RNF6: variants seen among roughly 807,000 people sequenced by gnomAD.
RNF6 encodes ring finger protein 6.
RNF6 carries 21 observed loss-of-function variants against 50.1 expected under a neutral mutation model. That is an observed-to-expected ratio of 0.42 (90% CI 0.30 to 0.60). The LOEUF (loss-of-function observed/expected upper bound fraction) is 0.60, where lower values mean the gene tolerates loss of function less well. Among genes scored for constraint, RNF6 ranks in the 20% least tolerant of loss-of-function variants. The pLI is 0.20. For synonymous variants in RNF6, 255 were observed against 291.8 expected, an observed-to-expected ratio of 0.87 and a Z score of 1.29; for missense variants, 698 against 838.2, an observed-to-expected ratio of 0.83 and a Z score of 2.07.
chr13:26,184,012 ATATATATTTTTT>A (rs1159494303), intron 5 of RNF6, among the ~76,000 whole-genome samples: 517 of 30,342 alleles, frequency 0.017, no homozygotes, highest in Admixed American at 0.042. Flanking sequence ...ATATATATAT[ATATATATTTTTT>A]TTTTTTTTTT....
At chr13:26,190,104 T>A (rs1199204442) in intron 5 of RNF6, among the ~76,000 whole-genome samples, 2 of 152,194 alleles carry the variant, frequency 1.3e-5, no homozygotes, top group Non-Finnish European at 2.9e-5. Context: ...TTGCCCTTTC[T>A]ACCCTTTAGA....
At chr13:26,188,939 T>G (rs1276991968) in intron 5 of RNF6, among the ~76,000 whole-genome samples, 1 of 152,056 alleles carries the variant, frequency 6.6e-6, no homozygotes, top group Non-Finnish European at 1.5e-5. Flanking sequence ...AGAACAGATT[T>G]CTGAAGAGGT....
chr13:26,199,772 T>C (rs998680800), intron 5 of RNF6, among the ~76,000 whole-genome samples: 1 of 152,122 alleles, frequency 6.6e-6, no homozygotes, highest in African/African-American at 2.4e-5. Context: ...CAGATGAAGA[T>C]ACATTAAAAA....
intron 5 of RNF6, among the ~76,000 whole-genome samples, chr13:26,136,727 G>T (rs1362914286): frequency 6.6e-6 from 1 of 152,076 alleles, no homozygotes; most frequent in Non-Finnish European, 1.5e-5. Context: ...CCCAAAAAAT[G>T]ACTAATATGT....
intron 4 of RNF6, among the ~76,000 whole-genome samples, chr13:26,216,474 A>T (rs1869886314): frequency 6.6e-6 from 1 of 152,138 alleles, no homozygotes; most frequent in Non-Finnish European, 1.5e-5. Context: ...CTTTCAATTA[A>T]TATTGCTCAA....
intron 5 of RNF6, among the ~76,000 whole-genome samples, chr13:26,179,314 G>A (rs1351741749): frequency 1.3e-5 from 2 of 152,184 alleles, no homozygotes; most frequent in Non-Finnish European, 2.9e-5. Flanking sequence ...CAGATAGACA[G>A]CAAGAATCAA....
At chr13:26,137,063 G>T (rs1206361761) in intron 5 of RNF6, among the ~76,000 whole-genome samples, 2 of 152,152 alleles carry the variant, frequency 1.3e-5, no homozygotes, top group African/African-American at 2.4e-5. Flanking sequence ...CAAAGCTACA[G>T]CTCCTTCGAA....
chr13:26,218,595 A>C lies in RNF6; in HGVS notation c.205T>G (p.Ser69Ala), dbSNP rs777409285. 1 of 1,613,626 alleles carries C rather than the reference A, an allele frequency of 6.2e-7. No individual in the cohort carries two copies. The highest frequency in any genetic ancestry group is 1.1e-5 in the South Asian group (1 of 91,076). Residue 69 changes from serine (S) to alanine (A), a missense_variant, in exon 4 of 5, where the codon TCA becomes GCA. Ser to Ala is a moderately conservative substitution (Grantham distance 99, BLOSUM62 1). Coordinates refer to ENST00000381588, the MANE Select transcript of RNF6 (RefSeq NM_005977.4). ...NLLGTPGEITSEELQQRLDGV... is the reference protein window; with the variant it reads ...NLLGTPGEITAEELQQRLDGV... Reference sequence around the variant, plus strand: ...TCTAACCGCTGTTGCAGTTCTTCTGATGTTATTTCTCCTAAAACAATGAAA... The same window carrying C: ...TCTAACCGCTGTTGCAGTTCTTCTGCTGTTATTTCTCCTAAAACAATGAAA...
At chr13:26,218,661 C>T in intron 3 of RNF6, 55 bp from the exon 4 acceptor site, 1 of 1,352,592 alleles carries the variant, frequency 7.4e-7, no homozygotes, top group Non-Finnish European at 1.1e-6. Flanking sequence ...TTTATGAGAC[C>T]TCATGAAGGG....
At chr13:26,216,243 A>C (rs551890796) in intron 4 of RNF6, among the ~76,000 whole-genome samples, 2 of 152,348 alleles carry the variant, frequency 1.3e-5, no homozygotes, top group East Asian at 3.9e-4. Context: ...AATAGAATCA[A>C]TCTCATAGGG....
rs1042771559 is a variant in RNF6, at chr13:26,167,848, T to C, written n.769-35397A>G. ...ATAAAGAAAATGTACATATACACCA[T>C]GGGATACTATGCAGCCATAAAAAAG... On this transcript the variant is annotated intron_variant and non_coding_transcript_variant, in intron 5 of 5. Transcript: ENST00000468480. Among the ~76,000 whole-genome samples, 9 of 152,222 alleles carry C rather than the reference T, an allele frequency of 5.9e-5. No individual in the cohort carries two copies. In the South Asian group the frequency reaches 1.0e-3, roughly 18 times the overall value.
At chr13:26,160,214 C>A (rs572608922) in intron 5 of RNF6, among the ~76,000 whole-genome samples, 30 of 152,040 alleles carry the variant, frequency 2.0e-4, no homozygotes, top group Non-Finnish European at 4.0e-4. Context: ...TTGTGCAGTT[C>A]GATAAACACA....
chr13:26,219,690 A>G, intron 2 of RNF6, 23 bp from the exon 3 acceptor site: 1 of 1,590,256 alleles, frequency 6.3e-7, no homozygotes, highest in Non-Finnish European at 8.6e-7. Context: ...TATAAACAAC[A>G]TTCAAGGTGT....
At chr13:26,156,398 G>A (rs998890940) in intron 5 of RNF6, among the ~76,000 whole-genome samples, 4 of 152,164 alleles carry the variant, frequency 2.6e-5, no homozygotes, top group East Asian at 1.9e-4. Flanking sequence ...AGAAGGAAAC[G>A]ACAGACACAA....
intron 5 of RNF6, among the ~76,000 whole-genome samples, chr13:26,173,211 T>C (rs556026): frequency 0.02 from 3,044 of 152,352 alleles, 106 homozygotes; most frequent in African/African-American, 0.064. Context: ...ACCTCCACTG[T>C]AAGCTATAGC....
chr13:26,142,456 A>C (rs1166850246), intron 5 of RNF6: 1 of 152,200 alleles, frequency 6.6e-6, no homozygotes, highest in Non-Finnish European at 1.5e-5. Flanking sequence ...ACAATAGCAA[A>C]AACATGGAGT....
rs774628609 is a variant in RNF6, at chr13:26,214,129, T to G, written c.1753A>C (p.Ile585Leu). The stretch of plus-strand genomic sequence containing the variant: ...AAAAAAAAGTGAGCAAGGCGAAGAA[T>G]GGGTAGTGTTCCAGTTTCAACTAAA... ...NNLVETGTLPILRLAHFFLLN... is the reference protein window; with the variant it reads ...NNLVETGTLPLLRLAHFFLLN... The change falls in exon 5 of 5, where the codon ATT becomes CTT. Residue 585 changes from isoleucine to leucine, a missense_variant. Transcript: ENST00000381588. 1.9e-6 allele frequency: 3 copies of G among 1,614,102 alleles called. No individual in the cohort carries two copies. Among genetic ancestry groups the G allele is most frequent in the African/African-American group, 1.3e-5 (1 of 74,944 alleles).
chr13:26,165,174 T>C (rs1443302695), intron 5 of RNF6, among the ~76,000 whole-genome samples: 2 of 152,110 alleles, frequency 1.3e-5, no homozygotes, highest in Non-Finnish European at 2.9e-5. Flanking sequence ...GGGGCCAACG[T>C]AGAACTTGGG....
At chr13:26,143,569 G>A (rs1871071820) in intron 5 of RNF6, among the ~76,000 whole-genome samples, 1 of 152,194 alleles carries the variant, frequency 6.6e-6, no homozygotes, top group South Asian at 2.1e-4. Flanking sequence ...AGTGGTACTA[G>A]TACTATCTTC....
Sources: gnomAD v4.1 joint callset for allele counts (sites outside exome capture counted in the v4.1 genomes callset) on GRCh38, gnomAD v4.1.1 for gene constraint, MANE v1.5 for transcripts, NCBI Gene and HGNC (gene_info 2026-07-23, HGNC 2026-07-21) for gene names.